The following UNC13C variants were observed in gnomAD, a reference collection of about 807,000 sequenced individuals.
UNC13C encodes unc-13 homolog C.
Under a neutral mutation model 245.4 loss-of-function variants are expected in UNC13C, and 174 were observed. That is an observed-to-expected ratio of 0.71 (90% CI 0.63 to 0.80). The LOEUF (loss-of-function observed/expected upper bound fraction) is 0.80. Ranked by LOEUF, UNC13C falls within the 30% of genes least tolerant of loss-of-function variation. The pLI, the probability that UNC13C is intolerant of heterozygous loss-of-function variation, is 0.00. For missense variants in UNC13C, 2,829 were observed against 2,602.9 expected (o/e 1.09, Z -1.89); for synonymous variants, 992 against 895.1 (o/e 1.11, Z -1.93).
the UNC13C span, among the ~76,000 whole-genome samples, chr15:53,907,511 A>G: frequency 7.0e-4 from 106 of 152,330 alleles, no homozygotes; most frequent in African/African-American, 2.4e-3. Context: ...AATTTGCCCC[A>G]GGAATTGAGT....
At chr15:54,275,429 AT>A (rs1416583711) in intron 10 of UNC13C, among the ~76,000 whole-genome samples, 1 of 151,964 alleles carries the variant, frequency 6.6e-6, no homozygotes, top group South Asian at 2.1e-4. Context: ...CCCTAGTATT[AT>A]TTTTTTCTGC....
intron 13 of UNC13C, among the ~76,000 whole-genome samples, chr15:54,317,840 C>G (rs2038049414): frequency 6.6e-6 from 1 of 151,744 alleles, no homozygotes; most frequent in African/African-American, 2.4e-5. Flanking sequence ...AGGACTTATC[C>G]CCCCATTTAA....
At chr15:54,237,753 C>T in intron 7 of UNC13C, 63 bp downstream of exon 7, 2 of 1,329,148 alleles carry the variant, frequency 1.5e-6, no homozygotes, top group Non-Finnish European at 1.1e-6. Flanking sequence ...AAGGGAGAAA[C>T]TGTTCTGCTT....
chr15:53,898,069 C>T, the UNC13C span, among the ~76,000 whole-genome samples: 2 of 152,154 alleles, frequency 1.3e-5, no homozygotes, highest in Non-Finnish European at 2.9e-5. Context: ...ATTGGGCTAA[C>T]TCTTCCAGCT....
chr15:54,151,251 C>G (rs1248240864), intron 4 of UNC13C, among the ~76,000 whole-genome samples: 3 of 114,130 alleles, frequency 2.6e-5, no homozygotes, highest in Non-Finnish European at 5.6e-5. Context: ...ATCTTCTGAG[C>G]TTTAGGAGGC....
Position 54,500,128 on chromosome 15 carries a change from T to C in UNC13C, c.5110T>C (p.Ser1704Pro). 6.2e-7 allele frequency: 1 copy of C among 1,611,392 alleles called. No individual in the cohort carries two copies. The highest frequency in any genetic ancestry group is 2.2e-5 in the East Asian group (1 of 44,786). ...MQWLDENEDV[S>P]MEFLHGALGR... ...ATGGCTAGATGAAAACGAAGATGTG[T>C]CAATGGAATTCCTTCATGGAGCACT... The change falls in exon 21 of 33, where the codon TCA becomes CCA. Residue 1704 changes from serine (S) to proline (P), a missense_variant. Coordinates refer to ENST00000260323, the MANE Select transcript of UNC13C (RefSeq NM_001080534.3).
chr15:54,448,774 A>G (rs1890982826), intron 19 of UNC13C, among the ~76,000 whole-genome samples: 1 of 152,280 alleles, frequency 6.6e-6, no homozygotes, highest in African/African-American at 2.4e-5. Context: ...GCCCATTTAC[A>G]TTTAAGGTTA....
chr15:54,365,234 C>A (rs777057387), intron 17 of UNC13C, among the ~76,000 whole-genome samples: 1 of 152,076 alleles, frequency 6.6e-6, no homozygotes, highest in African/African-American at 2.4e-5. Flanking sequence ...TATAACTCTT[C>A]CCCTTCTGGC....
In UNC13C at chr15:54,478,385, C is replaced by T. The variant is rs12898230; in HGVS notation, c.4934-16223C>T. Among the ~76,000 whole-genome samples the T allele has an allele frequency of 7.5e-3, 672 of 89,876 alleles. 2 individuals are homozygous for T. Among genetic ancestry groups the T allele is most frequent in the Middle Eastern group, 0.011 (2 of 186 alleles). The allele number at this position is 89,876 out of a possible 152,430, so 59.0% of individuals were successfully genotyped here. ...ATTTGTTTGTTCTTGCTTTTCTAGT[C>T]CTTTTAATTGTGATATTAGGGTGTC... On this transcript the variant is annotated intron_variant, in intron 19 of 32. Coordinates refer to ENST00000260323, the MANE Select transcript of UNC13C (RefSeq NM_001080534.3).
chr15:54,091,506 T>C (rs1385191007), intron 2 of UNC13C, among the ~76,000 whole-genome samples: 2 of 152,206 alleles, frequency 1.3e-5, no homozygotes, highest in Admixed American at 1.3e-4. Flanking sequence ...TATCTACTAT[T>C]GTATGGTTTT....
chr15:54,523,699 G>A (rs1367729604), intron 24 of UNC13C, among the ~76,000 whole-genome samples: 1 of 152,118 alleles, frequency 6.6e-6, no homozygotes, highest in Non-Finnish European at 1.5e-5. Context: ...ACCTCAGTGT[G>A]TATATTAAAC....
At chr15:54,584,048 T>A (rs1207954303) in intron 30 of UNC13C, among the ~76,000 whole-genome samples, 2 of 152,162 alleles carry the variant, frequency 1.3e-5, no homozygotes, top group Non-Finnish European at 2.9e-5. Flanking sequence ...GTAAGAGATT[T>A]CTTCTGTTCC....
the UNC13C span, among the ~76,000 whole-genome samples, chr15:53,887,312 C>T: frequency 8.6e-5 from 13 of 152,022 alleles, no homozygotes; most frequent in African/African-American, 1.2e-4. Context: ...TAAAATCCCC[C>T]GTTATTTAAT....
At chr15:53,910,376 T>G in the UNC13C span, among the ~76,000 whole-genome samples, 2 of 146,162 alleles carry the variant, frequency 1.4e-5, 1 homozygote. Context: ...GAGTTTGGCA[T>G]GCAAGCACAC....
intron 4 of UNC13C, among the ~76,000 whole-genome samples, chr15:54,228,629 G>T (rs1306218256): frequency 6.6e-6 from 1 of 152,140 alleles, no homozygotes; most frequent in Non-Finnish European, 1.5e-5. Context: ...TTCTGGCCTA[G>T]GGTGTGCCTA....
intron 4 of UNC13C, among the ~76,000 whole-genome samples, chr15:54,227,831 A>G (rs960350315): frequency 6.6e-6 from 1 of 152,204 alleles, no homozygotes; most frequent in Non-Finnish European, 1.5e-5. Context: ...GTCTTGCCCA[A>G]GGCCTGTCAA....
At chr15:54,110,921 G>A (rs771667989) in intron 2 of UNC13C, among the ~76,000 whole-genome samples, 2 of 152,090 alleles carry the variant, frequency 1.3e-5, no homozygotes, top group African/African-American at 2.4e-5. Flanking sequence ...ATATACCATT[G>A]CACTTCCTTT....
chr15:54,253,597 T>A lies in UNC13C; in HGVS notation c.3448+3153T>A, dbSNP rs1011187798. Among the ~76,000 whole-genome samples, 9 of 152,192 alleles carry A rather than the reference T, an allele frequency of 5.9e-5. No homozygotes were observed. The East Asian group carries it at 1.5e-3, about 26-fold the overall frequency. ...CGCCTAAAAAGACATTTAGAATTCT[T>A]TTTTGGAAAAAGCATTTGGTGGTGA... is the stretch of plus-strand genomic sequence containing the variant. On this transcript the variant is annotated intron_variant, in intron 8 of 32. Transcript: ENST00000260323.
chr15:54,312,547 G>A (rs570799229), intron 13 of UNC13C, among the ~76,000 whole-genome samples: 1 of 151,750 alleles, frequency 6.6e-6, no homozygotes, highest in Non-Finnish European at 1.5e-5. Context: ...AATCCCCAGG[G>A]TATATTGTTC....
Sources: gnomAD v4.1 joint callset for allele counts (sites outside exome capture counted in the v4.1 genomes callset) on GRCh38, gnomAD v4.1.1 for gene constraint, MANE v1.5 for transcripts, NCBI Gene and HGNC (gene_info 2026-07-23, HGNC 2026-07-21) for gene names.